Variants in FAM210A observed in about 807,000 individuals in gnomAD.
The protein encoded by FAM210A is family with sequence similarity 210 member A.
Under a neutral mutation model 25.3 loss-of-function variants are expected in FAM210A, and 13 were observed. The observed-to-expected ratio is 0.51, with a 90% CI of 0.33 to 0.82. FAM210A has a LOEUF of 0.82. Among genes scored for constraint, FAM210A ranks in the 40% least tolerant of loss-of-function variants. The pLI is 0.02. For missense variants in FAM210A, 319 were observed against 323.2 expected (o/e 0.99, Z 0.10); for synonymous variants, 125 against 118.7 (o/e 1.05, Z -0.35).
chr18:13,677,818 T>C (rs1481095170), intron 2 of FAM210A, among the ~76,000 whole-genome samples: 1 of 152,100 alleles, frequency 6.6e-6, no homozygotes. Flanking sequence ...CTAGATCTAT[T>C]ATGATAACGG....
chr18:13,706,577 G>C (rs754108142), intron 1 of FAM210A, among the ~76,000 whole-genome samples: 2 of 152,176 alleles, frequency 1.3e-5, no homozygotes, highest in Non-Finnish European at 2.9e-5. Context: ...ACATTGCCAG[G>C]AGGCCTTCAC....
chr18:13,724,824 A>G (rs1451464725), intron 1 of FAM210A, among the ~76,000 whole-genome samples: 2 of 152,144 alleles, frequency 1.3e-5, no homozygotes, highest in African/African-American at 4.8e-5. Flanking sequence ...CCCAGGCTAG[A>G]GTGCAACGGC....
chr18:13,682,824 A>T (rs1019605489), intron 1 of FAM210A, among the ~76,000 whole-genome samples: 2 of 152,206 alleles, frequency 1.3e-5, no homozygotes, highest in African/African-American at 4.8e-5. Flanking sequence ...AGTTGAGATC[A>T]TGCCACTGTA....
chr18:13,666,194 T>A lies in FAM210A; in HGVS notation c.*286A>T, dbSNP rs1322872949. 1 of 328,926 alleles carries A rather than the reference T, an allele frequency of 3.0e-6. No homozygotes were observed. The highest frequency in any genetic ancestry group is 4.5e-5 in the Admixed American group (1 of 22,344). 20.4% of individuals were successfully genotyped at this position (328,926 alleles called of 1,614,324 possible). On this transcript the variant is annotated 3_prime_UTR_variant, in exon 4 of 4. Transcript: ENST00000651643. ...CAGCTGCAACAAAACAGAAATCAAG[T>A]GTGGTTCTGAAGACCTTGAAAAAGA...
intron 1 of FAM210A, among the ~76,000 whole-genome samples, chr18:13,689,348 C>G (rs1288935686): frequency 6.6e-6 from 1 of 152,132 alleles, no homozygotes; most frequent in Non-Finnish European, 1.5e-5. Context: ...TTATCACAAT[C>G]AATGTAACCC....
At chr18:13,670,257 T>C (rs11664207) in intron 3 of FAM210A, among the ~76,000 whole-genome samples, 35,442 of 152,152 alleles carry the variant, frequency 0.23, 5,263 homozygotes, top group Non-Finnish European at 0.34. Context: ...AAGGAGCAAT[T>C]AAATTAGGGA....
intron 1 of FAM210A, among the ~76,000 whole-genome samples, chr18:13,724,170 C>T (rs969209994): frequency 5.9e-5 from 9 of 152,252 alleles, no homozygotes; most frequent in African/African-American, 2.2e-4. Flanking sequence ...ACATCCTTAT[C>T]TAACTATTTT....
intron 1 of FAM210A, chr18:13,697,413 C>T (rs1464013223): frequency 6.3e-6 from 1 of 159,020 alleles, no homozygotes; most frequent in Non-Finnish European, 1.4e-5. Context: ...AATCCAAAAA[C>T]ATTAACACCA....
intron 3 of FAM210A, among the ~76,000 whole-genome samples, chr18:13,671,122 T>A (rs2149051457): frequency 6.6e-6 from 1 of 152,326 alleles, no homozygotes; most frequent in East Asian, 1.9e-4. Context: ...AAACCTATTT[T>A]ACTTGCTAAG....
intron 1 of FAM210A, among the ~76,000 whole-genome samples, chr18:13,703,710 A>G (rs1035004069): frequency 6.6e-6 from 1 of 152,216 alleles, no homozygotes; most frequent in African/African-American, 2.4e-5. Context: ...TTGTGTGTAT[A>G]GCGTTTACGT....
intron 2 of FAM210A, among the ~76,000 whole-genome samples, chr18:13,680,024 C>G (rs538465376): frequency 4.6e-5 from 7 of 152,328 alleles, no homozygotes; most frequent in African/African-American, 1.4e-4. Flanking sequence ...ATTTCTCCCT[C>G]TAAGGCCAGC....
intron 1 of FAM210A, among the ~76,000 whole-genome samples, chr18:13,698,221 C>T (rs1373618865): frequency 1.3e-5 from 2 of 151,590 alleles, no homozygotes; most frequent in Admixed American, 6.6e-5. Flanking sequence ...GGCATGGTGG[C>T]GGGTGCTGCA....
intron 1 of FAM210A, among the ~76,000 whole-genome samples, chr18:13,685,406 C>T (rs1480807860): frequency 3.9e-5 from 6 of 151,964 alleles, no homozygotes; most frequent in Non-Finnish European, 5.9e-5. Context: ...GAGAGTCTAG[C>T]ACCTTTTAAA....
At chr18:13,721,979 C>T (rs2043901015) in intron 1 of FAM210A, among the ~76,000 whole-genome samples, 2 of 152,124 alleles carry the variant, frequency 1.3e-5, no homozygotes, top group South Asian at 4.1e-4. Flanking sequence ...GGTCCTTCCT[C>T]AAAAGGATCC....
chr18:13,695,281 T>C (rs1322983264), intron 1 of FAM210A, among the ~76,000 whole-genome samples: 1 of 152,216 alleles, frequency 6.6e-6, no homozygotes, highest in Non-Finnish European at 1.5e-5. Context: ...GTAAACTAGT[T>C]CAACCATTGT....
At chr18:13,725,824 A>C (rs2043939235) in intron 1 of FAM210A, among the ~76,000 whole-genome samples, 1 of 152,168 alleles carries the variant, frequency 6.6e-6, no homozygotes, top group South Asian at 2.1e-4. Context: ...GCCAACGCAG[A>C]CTAATGCATC....
intron 1 of FAM210A, among the ~76,000 whole-genome samples, chr18:13,698,436 T>A (rs914962234): frequency 1.3e-4 from 19 of 151,708 alleles, no homozygotes; most frequent in African/African-American, 4.6e-4. Flanking sequence ...CCGAGGATCC[T>A]AAGATCAAGA....
intron 1 of FAM210A, among the ~76,000 whole-genome samples, chr18:13,696,539 A>T (rs2149063363): frequency 6.6e-6 from 1 of 152,354 alleles, no homozygotes; most frequent in South Asian, 2.1e-4. Context: ...GGACAGCATG[A>T]AAGACGGTGC....
At chr18:13,713,725 A>AACACACACACACACACACACAC (rs55691136) in intron 1 of FAM210A, among the ~76,000 whole-genome samples, 2,610 of 141,936 alleles carry the variant, frequency 0.018, 48 homozygotes, top group African/African-American at 0.036. Context: ...GTCACTATAA[A>AACACACACACACACACACACAC]ACACACACAC....
Sources: gnomAD v4.1 joint callset for allele counts (sites outside exome capture counted in the v4.1 genomes callset) on GRCh38, gnomAD v4.1.1 for gene constraint, MANE v1.5 for transcripts, NCBI Gene and HGNC (gene_info 2026-07-23, HGNC 2026-07-21) for gene names.